The following RNF180 variants were observed in gnomAD, a reference collection of about 807,000 sequenced individuals.
The protein encoded by RNF180 is E3 ubiquitin-protein ligase RNF180.
Under a neutral mutation model 59.2 loss-of-function variants are expected in RNF180, and 38 were observed. The observed-to-expected ratio is 0.64, with a 90% confidence interval of 0.50 to 0.84. RNF180 has a LOEUF of 0.84. RNF180 is among the 40% of genes least tolerant of loss of function. The pLI is 0.00. For synonymous variants in RNF180, 262 were observed against 240.3 expected, an observed-to-expected ratio of 1.09 and a Z score of -0.84; for missense variants, 705 against 700.9, an observed-to-expected ratio of 1.01 and a Z score of -0.07.
chr5:64,266,486 G>A (rs969386938), intron 5 of RNF180, among the ~76,000 whole-genome samples: 4 of 152,068 alleles, frequency 2.6e-5, no homozygotes, highest in Admixed American at 2.0e-4. Flanking sequence ...AAAAATTGTT[G>A]CTAAGGGAAT....
At chr5:64,214,906 A>C (rs1752538728) in intron 4 of RNF180, among the ~76,000 whole-genome samples, 1 of 152,122 alleles carries the variant, frequency 6.6e-6, no homozygotes, top group Admixed American at 6.6e-5. Flanking sequence ...AAAATGTTTC[A>C]GTAAATTCAA....
chr5:64,248,050 G>A (rs1271406695), intron 5 of RNF180, among the ~76,000 whole-genome samples: 1 of 152,158 alleles, frequency 6.6e-6, no homozygotes, highest in Non-Finnish European at 1.5e-5. Flanking sequence ...AAACTAGCTA[G>A]CCATACGCAG....
rs1742583896 is a variant in RNF180, at chr5:64,238,431, C to A, written c.1227+21035C>A. On this transcript the variant is annotated intron_variant, in intron 5 of 7. Transcript: ENST00000389100. ...CCCTTTATACTCTTCTCTATAGTGGCTATACCATTTTTCATTATCATCAAC... is the reference window on the plus strand; with the variant it reads ...CCCTTTATACTCTTCTCTATAGTGGATATACCATTTTTCATTATCATCAAC... Among the ~76,000 whole-genome samples, 7 of 152,250 alleles carry A rather than the reference C, an allele frequency of 4.6e-5. No homozygotes were observed. In the South Asian group the frequency reaches 1.5e-3, roughly 32 times the overall value.
In RNF180 at chr5:64,256,743, C is replaced by T. The variant is rs1037248425; in HGVS notation, c.1227+39347C>T. On this transcript the variant is annotated intron_variant, in intron 5 of 7. Coordinates refer to ENST00000389100, the MANE Select transcript of RNF180 (RefSeq NM_001113561.2). ...GTTTTTTCCAATTCTGTGAAGAAAGCCATTGGTAGCTTGATGGGGATGACA... is the reference window on the plus strand; with the variant it reads ...GTTTTTTCCAATTCTGTGAAGAAAGTCATTGGTAGCTTGATGGGGATGACA... 1.1e-4 allele frequency among the ~76,000 whole-genome samples: 17 copies of T among 152,088 alleles called. No homozygotes were observed. In the South Asian group the frequency reaches 2.7e-3, roughly 24 times the overall value.
chr5:64,225,323 T>C (rs1249842613), intron 5 of RNF180, among the ~76,000 whole-genome samples: 1 of 149,724 alleles, frequency 6.7e-6, no homozygotes, highest in Non-Finnish European at 1.5e-5. Flanking sequence ...GGAGCGCCTC[T>C]GCCCAGCCGC....
intron 5 of RNF180, among the ~76,000 whole-genome samples, chr5:64,317,386 A>G (rs1161999551): frequency 6.6e-6 from 1 of 152,070 alleles, no homozygotes; most frequent in African/African-American, 2.4e-5. Context: ...AAAAATACTG[A>G]TAGATATTAA....
chr5:64,289,834 C>A (rs1040458367), intron 5 of RNF180, among the ~76,000 whole-genome samples: 1 of 152,022 alleles, frequency 6.6e-6, no homozygotes, highest in Admixed American at 6.6e-5. Flanking sequence ...TCTCAAAAAA[C>A]CATCTCTTGG....
At chr5:64,169,481 G>A (rs983754049) in intron 1 of RNF180, among the ~76,000 whole-genome samples, 1 of 152,190 alleles carries the variant, frequency 6.6e-6, no homozygotes, top group Non-Finnish European at 1.5e-5. Flanking sequence ...AAACTTTTGA[G>A]AGAATGCAGC....
At chr5:64,192,309 G>T (rs1442958022) in intron 1 of RNF180, among the ~76,000 whole-genome samples, 4 of 151,902 alleles carry the variant, frequency 2.6e-5, no homozygotes, top group Non-Finnish European at 5.9e-5. Context: ...AAAAGGTAAG[G>T]GTTGGCCAGG....
chr5:64,297,642 A>G (rs1424156020), intron 5 of RNF180, among the ~76,000 whole-genome samples: 1 of 151,992 alleles, frequency 6.6e-6, no homozygotes, highest in African/African-American at 2.4e-5. Flanking sequence ...TAATTATCTC[A>G]TAATATTTAG....
chr5:64,291,583 C>T (rs960827342), intron 5 of RNF180, among the ~76,000 whole-genome samples: 2 of 140,150 alleles, frequency 1.4e-5, no homozygotes, highest in African/African-American at 5.5e-5. Flanking sequence ...CACCACCGCA[C>T]CCGGCTAATT....
intron 5 of RNF180, among the ~76,000 whole-genome samples, chr5:64,231,300 A>G (rs761812060): frequency 1.3e-5 from 2 of 152,224 alleles, no homozygotes; most frequent in Non-Finnish European, 2.9e-5. Flanking sequence ...AAATAATGGC[A>G]TTCACAGACT....
chr5:64,347,110 G>T (rs1450418156), intron 7 of RNF180, among the ~76,000 whole-genome samples: 1 of 152,196 alleles, frequency 6.6e-6, no homozygotes, highest in Non-Finnish European at 1.5e-5. Flanking sequence ...TATAGCATAT[G>T]CAAGTTTGGT....
intron 7 of RNF180, among the ~76,000 whole-genome samples, chr5:64,344,361 G>A (rs1046549754): frequency 6.6e-6 from 1 of 151,882 alleles, no homozygotes; most frequent in Non-Finnish European, 1.5e-5. Flanking sequence ...ACATTTCATG[G>A]CAATAAAAGA....
In RNF180 at chr5:64,330,421, C is replaced by T. The variant is rs903843779; in HGVS notation, c.1579+15C>T. 1.9e-5 allele frequency: 29 copies of T among 1,522,898 alleles called. No individual in the cohort carries two copies. Among genetic ancestry groups the T allele is most frequent in the African/African-American group, 7.1e-5 (5 of 70,536 alleles). 94.3% of individuals were successfully genotyped at this position (1,522,898 alleles called of 1,614,324 possible). Reference sequence around the variant, plus strand: ...TCTTTTTGGAGGTAAGGAAATCTAACGCCAAAAAAAAAGTCTGGTAATTTT... The same window carrying T: ...TCTTTTTGGAGGTAAGGAAATCTAATGCCAAAAAAAAAGTCTGGTAATTTT... On this transcript the variant is annotated intron_variant, in intron 7 of 7. Transcript: ENST00000389100.
intron 5 of RNF180, among the ~76,000 whole-genome samples, chr5:64,282,372 G>T (rs1170556638): frequency 6.6e-6 from 1 of 152,114 alleles, no homozygotes; most frequent in Non-Finnish European, 1.5e-5. Context: ...ATTTGTATTT[G>T]TGTGGGGTCT....
At chr5:64,166,115 C>G (rs1159102328) in intron 1 of RNF180, 162 bp downstream of exon 1, 1 of 152,146 alleles carries the variant, frequency 6.6e-6, no homozygotes, top group Admixed American at 6.5e-5. Context: ...CTGGCCTGGC[C>G]GCCTCTCGCC....
At chr5:64,312,180 T>C (rs1213627670) in intron 5 of RNF180, among the ~76,000 whole-genome samples, 1 of 152,122 alleles carries the variant, frequency 6.6e-6, no homozygotes, top group Admixed American at 6.6e-5. Flanking sequence ...CAGTGTCTTA[T>C]ACCAACAAAT....
intron 7 of RNF180, among the ~76,000 whole-genome samples, chr5:64,333,442 AT>A (rs1744997696): frequency 1.3e-5 from 2 of 151,206 alleles, no homozygotes; most frequent in South Asian, 2.1e-4. Flanking sequence ...AAGTGCTGGG[AT>A]TATAGGCATG....
Sources: allele counts gnomAD v4.1 joint callset (sites outside exome capture counted in the v4.1 genomes callset), GRCh38; gene constraint gnomAD v4.1.1; transcripts MANE v1.5; gene names NCBI Gene and HGNC (gene_info 2026-07-23, HGNC 2026-07-21).